Variants in ZNF8 observed in about 807,000 individuals in gnomAD.
ZNF8 encodes the protein zinc finger protein 272.
Under a neutral mutation model 12.2 loss-of-function variants are expected in ZNF8, and 9 were observed. That is an observed-to-expected ratio of 0.73 (90% CI 0.44 to 1.28). The LOEUF is 1.28. Among genes scored for constraint, ZNF8 ranks in the 50% most tolerant of loss-of-function variants. The pLI, the probability that ZNF8 is intolerant of heterozygous loss-of-function variation, is 0.00. For synonymous variants in ZNF8, 274 were observed against 282.3 expected, an observed-to-expected ratio of 0.97 and a Z score of 0.30; for missense variants, 664 against 729.1, an observed-to-expected ratio of 0.91 and a Z score of 1.03.
At position 58,300,505 on chromosome 19, in the gene ZNF8, G is replaced by C. The variant is rs1416819351; in HGVS notation, c.*4969G>C. The C allele has an allele frequency of 2.6e-5, 4 of 152,266 alleles. No individual in the cohort carries two copies. Among genetic ancestry groups the C allele is most frequent in the Admixed American group, 2.0e-4 (3 of 15,284 alleles). The allele number at this position is 152,266 out of a possible 1,614,324, so 9.4% of individuals were successfully genotyped here. ...GTCTCACTGGCCACAGATGGGTCAG[G>C]GGGCCACCCCTAATAACAACGGGGC... On this transcript the variant is annotated 3_prime_UTR_variant, in exon 4 of 4. Transcript: ENST00000621650.
intron 3 of ZNF8, among the ~76,000 whole-genome samples, chr19:58,293,378 G>A (rs2051432668): frequency 1.3e-5 from 2 of 152,306 alleles, no homozygotes; most frequent in South Asian, 2.1e-4. Context: ...TTCACTGAGA[G>A]ATATTTTTGA....
In ZNF8 at chr19:58,299,175, C is replaced by A. The variant is rs112665921; in HGVS notation, c.*3639C>A. ...TCACCCAGGCTGGAGTGCAGTGGTG[C>A]GATCTCGGCTCACTGCAAGCTCCGC... On this transcript the variant is annotated 3_prime_UTR_variant, in exon 4 of 4. Transcript: ENST00000621650. The A allele has an allele frequency of 1.4e-5, 2 of 147,430 alleles. No homozygotes were observed. Among genetic ancestry groups the A allele is most frequent in the African/African-American group, 5.1e-5 (2 of 39,474 alleles). 9.1% of individuals were successfully genotyped at this position (147,430 alleles called of 1,614,324 possible).
chr19:58,281,740 C>T (rs2051351675), intron 1 of ZNF8, among the ~76,000 whole-genome samples: 1 of 152,152 alleles, frequency 6.6e-6, no homozygotes, highest in Admixed American at 6.5e-5. Context: ...ATTAGAGCCA[C>T]CTGCTACCTG....
intron 3 of ZNF8, among the ~76,000 whole-genome samples, chr19:58,287,506 T>C (rs2051390946): frequency 6.6e-6 from 1 of 150,640 alleles, no homozygotes; most frequent in African/African-American, 2.4e-5. Context: ...CTAATTTTCT[T>C]TTTAAATTTT....
rs1006797997 is a variant in ZNF8, at chr19:58,295,053, C to T, written c.1245C>T (p.His415=). 1 of 1,614,072 alleles carries T rather than the reference C, an allele frequency of 6.2e-7. No homozygotes were observed. The highest frequency in any genetic ancestry group is 8.5e-7 in the Non-Finnish European group (1 of 1,179,984). The change falls in exon 4 of 4, where the codon CAC becomes CAT. Residue 415 remains histidine (H), a synonymous_variant. Coordinates refer to ENST00000621650, the MANE Select transcript of ZNF8 (RefSeq NM_021089.3). ...GGCACAGCTCATCCCTGGCCCAGCA[C>T]CAGCGGAAGCACGCGGGGGAGAAGC... ...GFRHSSSLAQ[H]QRKHAGEKPF...
In ZNF8 at chr19:58,286,151, C is replaced by G; in HGVS notation, c.235C>G (p.Gln79Glu). The G allele has an allele frequency of 6.2e-7, 1 of 1,614,162 alleles. No homozygotes were observed. The highest frequency in any genetic ancestry group is 1.1e-5 in the South Asian group (1 of 91,078). Residue 79 changes from glutamine (Q) to glutamate (E), a missense_variant, in exon 3 of 4, where the codon CAA becomes GAA. Physicochemically the swap from Gln to Glu is conservative, Grantham distance 29. Coordinates refer to ENST00000621650, the MANE Select transcript of ZNF8 (RefSeq NM_021089.3). Reference sequence around the variant, plus strand: ...GCCTGAAGTCATCTCCCAGCTGGAGCAAGGGACCGAGCTATGGGTGGCTGA... The same window carrying G: ...GCCTGAAGTCATCTCCCAGCTGGAGGAAGGGACCGAGCTATGGGTGGCTGA... Reference protein sequence around the residue: ...PKPEVISQLEQGTELWVAERG... With the variant: ...PKPEVISQLEEGTELWVAERG...
chr19:58,289,499 GA>G (rs34989877), intron 3 of ZNF8, among the ~76,000 whole-genome samples: 8,116 of 83,140 alleles, frequency 0.098, 238 homozygotes, highest in African/African-American at 0.11. Context: ...CTGTCTCAAA[GA>G]AAAAAAAAAA....
chr19:58,290,830 C>T (rs2051415102), intron 3 of ZNF8, among the ~76,000 whole-genome samples: 2 of 152,082 alleles, frequency 1.3e-5, no homozygotes, highest in African/African-American at 4.8e-5. Flanking sequence ...GCGGGTGGTT[C>T]GCTTGAGTCC....
intron 1 of ZNF8, among the ~76,000 whole-genome samples, chr19:58,284,909 T>A (rs1252381597): frequency 6.6e-6 from 1 of 152,178 alleles, no homozygotes; most frequent in South Asian, 2.1e-4. Flanking sequence ...TCTTCAGAGA[T>A]GAGCAGTTCT....
Position 58,299,078 on chromosome 19 carries a change from G to T in ZNF8, c.*3542G>T. 1 of 151,974 alleles carries T rather than the reference G, an allele frequency of 6.6e-6. No individual in the cohort carries two copies. Among genetic ancestry groups the T allele is most frequent in the Non-Finnish European group, 1.5e-5 (1 of 68,072 alleles). 9.4% of individuals were successfully genotyped at this position (151,974 alleles called of 1,614,324 possible). On this transcript the variant is annotated 3_prime_UTR_variant, in exon 4 of 4. Coordinates refer to ENST00000621650, the MANE Select transcript of ZNF8 (RefSeq NM_021089.3). ...CCACCTTGGCCATCCAAAGTGCTAGGATTACAGGTGTGAGCCAATGCACCC... is the reference window on the plus strand; with the variant it reads ...CCACCTTGGCCATCCAAAGTGCTAGTATTACAGGTGTGAGCCAATGCACCC...
chr19:58,279,850 T>G, intron 1 of ZNF8: 1 of 1,314,252 alleles, frequency 7.6e-7, no homozygotes, highest in Non-Finnish European at 9.9e-7. Context: ...TAATTATCCT[T>G]CCTCAAGCTC....
At position 58,294,261 on chromosome 19, in the gene ZNF8, G is replaced by T. The variant is rs1471106034; in HGVS notation, c.453G>T (p.Lys151Asn). The change falls in exon 4 of 4, where the codon AAG (lysine) becomes AAT (asparagine). Residue 151 changes from lysine (K) to asparagine (N), a missense_variant. Transcript: ENST00000621650. This position sits in a 1 kb window ranked among gnomAD's most constrained non-coding sequence, Gnocchi z 5.5. Reference protein sequence around the residue: ...RECQSQSLALKEQNNLKQLEF... With the variant: ...RECQSQSLALNEQNNLKQLEF... ...GTCAGAGCCAGAGTCTGGCACTCAAGGAGCAGAATAACTTGAAGCAGTTGG... is the reference window on the plus strand; with the variant it reads ...GTCAGAGCCAGAGTCTGGCACTCAATGAGCAGAATAACTTGAAGCAGTTGG... The T allele has an allele frequency of 3.1e-6, 5 of 1,613,982 alleles. No homozygotes were observed. In the African/African-American group the frequency reaches 6.7e-5, roughly 22 times the overall value.
Position 58,285,735 on chromosome 19 carries a change from G to C in ZNF8, c.85G>C (p.Asp29His). ...GTTTCAGGAACCAGTGACCTTCCGG[G>C]ATGTGGCTGTGGACTTTACCCAGGA... ...ARLQEPVTFR[D>H]VAVDFTQEEW... Residue 29 changes from aspartate (D) to histidine (H), a missense_variant, in exon 2 of 4, where the codon GAT (aspartate) becomes CAT (histidine). Coordinates refer to ENST00000621650, the MANE Select transcript of ZNF8 (RefSeq NM_021089.3). 1.2e-6 allele frequency: 2 copies of C among 1,614,200 alleles called. 1 individual carries two copies. Among genetic ancestry groups the C allele is most frequent in the South Asian group, 2.2e-5 (2 of 91,082 alleles).
intron 3 of ZNF8, among the ~76,000 whole-genome samples, chr19:58,292,090 C>CT (rs1214690951): frequency 3.9e-5 from 6 of 152,104 alleles, no homozygotes; most frequent in Non-Finnish European, 8.8e-5. Flanking sequence ...TGCATAATAG[C>CT]TTTATCAAGA....
rs1346974174 is a variant in ZNF8, at chr19:58,294,938, CCTT to C, written c.1133_1135del (p.Phe378del). On this transcript the variant is annotated inframe_deletion, in exon 4 of 4. Coordinates refer to ENST00000621650, the MANE Select transcript of ZNF8 (RefSeq NM_021089.3). This position sits in a 1 kb window ranked among gnomAD's most constrained non-coding sequence, Gnocchi z 5.5. Reference sequence around the variant, plus strand: ...TACACCTGCAGTGTGTGTGGGAAATCCTTCTCTCGGACCACTTGCCTTTTCCTG... The same window carrying C: ...TACACCTGCAGTGTGTGTGGGAAATCCTCTCGGACCACTTGCCTTTTCCTG... 3.1e-6 allele frequency: 5 copies of C among 1,614,058 alleles called. No homozygotes were observed. Among genetic ancestry groups the C allele is most frequent in the East Asian group, 2.2e-5 (1 of 44,892 alleles).
chr19:58,301,920 T>C lies in ZNF8; in HGVS notation c.*6384T>C, dbSNP rs1172363444. 2 of 152,218 alleles carry C rather than the reference T, an allele frequency of 1.3e-5. No homozygotes were observed. The highest frequency in any genetic ancestry group is 2.9e-5 in the Non-Finnish European group (2 of 68,032). 9.4% of individuals were successfully genotyped at this position (152,218 alleles called of 1,614,324 possible). ...TGTGTGCAGGCTACATGGTTTTCATTATGCTATTGATTTTAAAAGTAAAAA... is the reference window on the plus strand; with the variant it reads ...TGTGTGCAGGCTACATGGTTTTCATCATGCTATTGATTTTAAAAGTAAAAA... On this transcript the variant is annotated 3_prime_UTR_variant, in exon 4 of 4. Transcript: ENST00000621650.
At position 58,283,824 on chromosome 19, in the gene ZNF8, C is replaced by T. The variant is rs373455003; in HGVS notation, c.67-1893C>T. Among the ~76,000 whole-genome samples, 21 of 151,904 alleles carry T rather than the reference C, an allele frequency of 1.4e-4. 1 individual carries two copies. The East Asian group carries it at 3.7e-3, about 27-fold the overall frequency. On this transcript the variant is annotated intron_variant, in intron 1 of 3. Transcript: ENST00000621650. ...TCGTGTTAGCCAGGATGGTCTCGAT[C>T]TCCTGACCTCGTGATCTGCCCGCCT...
chr19:58,285,570 G>A, intron 1 of ZNF8, 147 bp from the exon 2 acceptor site: 1 of 1,120,698 alleles, frequency 8.9e-7, no homozygotes, highest in East Asian at 2.3e-5. Context: ...GGCCTAATAG[G>A]TGCCCAGTGA....
chr19:58,282,974 T>TC (rs768707857), intron 1 of ZNF8, among the ~76,000 whole-genome samples: 2 of 140,618 alleles, frequency 1.4e-5, no homozygotes, highest in African/African-American at 5.6e-5. Context: ...TTCTTTTTTT[T>TC]CTCTTCTTTT....
Sources: gnomAD v4.1 joint callset for allele counts (sites outside exome capture counted in the v4.1 genomes callset) on GRCh38, gnomAD v4.1.1 for gene constraint, Gnocchi (gnomAD v3.1) non-coding constraint, MANE v1.5 for transcripts, NCBI Gene and HGNC (gene_info 2026-07-23, HGNC 2026-07-21) for gene names.